LHFPL2: variants seen among roughly 807,000 people sequenced by gnomAD.
The protein encoded by LHFPL2 is LHFPL tetraspan subfamily member 2 protein.
A neutral mutation model predicts 17.5 loss-of-function variants in LHFPL2; 7 were observed. That is an observed-to-expected ratio of 0.40 (90% CI 0.23 to 0.75). LHFPL2 has a LOEUF of 0.75. Among genes scored for constraint, LHFPL2 ranks in the 30% least tolerant of loss-of-function variants. The probability of loss-of-function intolerance (pLI) is 0.37; values close to 1 mark genes in which losing one functional copy is unlikely to be tolerated. For synonymous variants in LHFPL2, 134 were observed against 116.2 expected, an observed-to-expected ratio of 1.15 and a Z score of -0.99; for missense variants, 241 against 294.8, an observed-to-expected ratio of 0.82 and a Z score of 1.34.
intron 2 of LHFPL2, among the ~76,000 whole-genome samples, chr5:78,587,336 T>C (rs143345954): frequency 6.6e-6 from 1 of 152,342 alleles, no homozygotes; most frequent in Non-Finnish European, 1.5e-5. Flanking sequence ...TGGTAGACAC[T>C]GCAAGCTAAC....
intron 3 of LHFPL2, among the ~76,000 whole-genome samples, chr5:78,546,325 G>A (rs1031196732): frequency 1.3e-5 from 2 of 152,180 alleles, no homozygotes; most frequent in African/African-American, 4.8e-5. Flanking sequence ...CAAAGTAGCC[G>A]TTCTGAGGCA....
At chr5:78,522,467 C>T (rs2112344125) in intron 3 of LHFPL2, among the ~76,000 whole-genome samples, 1 of 152,248 alleles carries the variant, frequency 6.6e-6, no homozygotes, top group East Asian at 1.9e-4. Context: ...AAAAAGGAGT[C>T]TCTCACATTG....
chr5:78,597,742 T>C (rs1743876745), intron 2 of LHFPL2, among the ~76,000 whole-genome samples: 1 of 152,204 alleles, frequency 6.6e-6, no homozygotes, highest in African/African-American at 2.4e-5. Flanking sequence ...CATGATGGTA[T>C]GTTACAGGAA....
chr5:78,592,398 C>G (rs896522656), intron 2 of LHFPL2, among the ~76,000 whole-genome samples: 1 of 152,210 alleles, frequency 6.6e-6, no homozygotes, highest in African/African-American at 2.4e-5. Flanking sequence ...AAAGTAAGAG[C>G]TAATTTGGGT....
intron 3 of LHFPL2, among the ~76,000 whole-genome samples, chr5:78,553,816 T>C (rs924322485): frequency 6.6e-6 from 1 of 152,236 alleles, no homozygotes; most frequent in Non-Finnish European, 1.5e-5. Context: ...GTAATTTCCT[T>C]GTGGACCTAG....
chr5:78,579,727 T>A (rs1249186991), intron 2 of LHFPL2, among the ~76,000 whole-genome samples: 2 of 152,244 alleles, frequency 1.3e-5, no homozygotes, highest in Non-Finnish European at 2.9e-5. Flanking sequence ...CACATTTTCT[T>A]AATCCAGTCT....
intron 2 of LHFPL2, among the ~76,000 whole-genome samples, chr5:78,616,606 G>A (rs1488497051): frequency 6.6e-6 from 1 of 152,196 alleles, no homozygotes; most frequent in Non-Finnish European, 1.5e-5. Flanking sequence ...ATGTGTCCCA[G>A]AGGAGAAGGA....
intron 2 of LHFPL2, among the ~76,000 whole-genome samples, chr5:78,619,515 T>C (rs1047370697): frequency 1.3e-5 from 2 of 148,994 alleles, no homozygotes; most frequent in African/African-American, 4.9e-5. Flanking sequence ...TTTATTATTA[T>C]TATACTTTAA....
rs1756175780 is a variant in LHFPL2 at position 78,543,503 on chromosome 5, C to T, written c.-186+21310G>A. 2.0e-5 allele frequency among the ~76,000 whole-genome samples: 3 copies of T among 152,148 alleles called. No homozygotes were observed. The South Asian group carries it at 6.2e-4, about 32-fold the overall frequency. ...GGCTCCAGGTGGGCCTCCACCTGGC[C>T]ATTCTCCCTCACTGCCCCTCTGAGA... On this transcript the variant is annotated intron_variant, in intron 3 of 4. Transcript: ENST00000380345.
At chr5:78,511,849 C>T (rs7707283) in intron 3 of LHFPL2, among the ~76,000 whole-genome samples, 7,770 of 152,216 alleles carry the variant, frequency 0.051, 368 homozygotes, top group East Asian at 0.25. Flanking sequence ...GGAACATATG[C>T]ACTTAATTGT....
intron 3 of LHFPL2, among the ~76,000 whole-genome samples, chr5:78,522,974 A>G (rs1755502049): frequency 1.3e-5 from 2 of 152,194 alleles, no homozygotes; most frequent in Non-Finnish European, 2.9e-5. Context: ...CATCTGTTGT[A>G]TAACCCCAGA....
At chr5:78,490,961 G>C (rs1281728980) in intron 4 of LHFPL2, 1 of 152,096 alleles carries the variant, frequency 6.6e-6, no homozygotes, top group South Asian at 2.1e-4. Context: ...GAAATTCTCT[G>C]GGTTTACCCC....
At chr5:78,593,104 G>T (rs1311561697) in intron 2 of LHFPL2, among the ~76,000 whole-genome samples, 1 of 152,148 alleles carries the variant, frequency 6.6e-6, no homozygotes, top group Non-Finnish European at 1.5e-5. Context: ...CTGGTTGGAA[G>T]CAGTCACTAC....
At chr5:78,621,097 TA>T (rs2112499643) in intron 2 of LHFPL2, among the ~76,000 whole-genome samples, 1 of 152,202 alleles carries the variant, frequency 6.6e-6, no homozygotes, top group South Asian at 2.1e-4. Flanking sequence ...CACCATCCTT[TA>T]ACTGAATCCT....
intron 2 of LHFPL2, among the ~76,000 whole-genome samples, chr5:78,631,944 A>G (rs1050768350): frequency 6.6e-6 from 1 of 151,872 alleles, no homozygotes; most frequent in Non-Finnish European, 1.5e-5. Flanking sequence ...TCAAAAAAAA[A>G]AAAAAAGAAA....
At chr5:78,606,475 T>C (rs1475084630) in intron 2 of LHFPL2, among the ~76,000 whole-genome samples, 1 of 152,184 alleles carries the variant, frequency 6.6e-6, no homozygotes, top group African/African-American at 2.4e-5. Context: ...CTGAGAGTTA[T>C]TAAAAGGCAC....
At position 78,616,080 on chromosome 5, in the gene LHFPL2, T is replaced by C. The variant is rs184287291; in HGVS notation, c.-245+16184A>G. Among the ~76,000 whole-genome samples the C allele has an allele frequency of 5.3e-5, 8 of 152,014 alleles. No individual in the cohort carries two copies. The East Asian group carries it at 1.4e-3, about 26-fold the overall frequency. On this transcript the variant is annotated intron_variant, in intron 2 of 4. Coordinates refer to ENST00000380345, the MANE Select transcript of LHFPL2 (RefSeq NM_005779.3). ...GTTCTTCTCCTCCCCATCCTCCCATTCCCTTGGCAATCCAACCTCTTTTCC... is the reference window on the plus strand; with the variant it reads ...GTTCTTCTCCTCCCCATCCTCCCATCCCCTTGGCAATCCAACCTCTTTTCC...
At chr5:78,634,755 C>T (rs139406983) in intron 1 of LHFPL2, among the ~76,000 whole-genome samples, 186 of 152,360 alleles carry the variant, frequency 1.2e-3, no homozygotes, top group African/African-American at 4.2e-3. Context: ...GCAGAGCAAG[C>T]TAACAGCAAA....
intron 4 of LHFPL2, among the ~76,000 whole-genome samples, chr5:78,490,417 C>T (rs960281095): frequency 6.6e-5 from 10 of 152,106 alleles, no homozygotes; most frequent in African/African-American, 2.4e-4. Context: ...CCTAGGCCCC[C>T]CCAGATTTTA....
Sources: allele counts gnomAD v4.1 joint callset (sites outside exome capture counted in the v4.1 genomes callset), GRCh38; gene constraint gnomAD v4.1.1; transcripts MANE v1.5; gene names NCBI Gene and HGNC (gene_info 2026-07-23, HGNC 2026-07-21).